The following ELOVL5 variants were observed in gnomAD, a reference collection of about 807,000 sequenced individuals.
ELOVL5 encodes ELOVL fatty acid elongase 5.
ELOVL5 carries 8 observed loss-of-function variants against 38.6 expected under a neutral mutation model. The observed-to-expected ratio is 0.21, with a 90% CI of 0.12 to 0.37. The LOEUF (loss-of-function observed/expected upper bound fraction) is 0.37, where lower values mean the gene tolerates loss of function less well. Ranked by LOEUF, ELOVL5 falls within the 10% of genes least tolerant of loss-of-function variation. ELOVL5 has a pLI of 1.00. For synonymous variants in ELOVL5, 127 were observed against 133.7 expected (o/e 0.95, Z 0.34); for missense variants, 280 against 367.8 (o/e 0.76, Z 1.95).
At chr6:53,340,144 G>A (rs146669094) in intron 1 of ELOVL5, among the ~76,000 whole-genome samples, 4 of 151,932 alleles carry the variant, frequency 2.6e-5, no homozygotes, top group Non-Finnish European at 5.9e-5. Context: ...TTTAAGCTAA[G>A]TATTATTACA....
At chr6:53,294,308 G>A (rs1282347100) in intron 2 of ELOVL5, 2 of 1,571,518 alleles carry the variant, frequency 1.3e-6, no homozygotes, top group Non-Finnish European at 1.7e-6. Flanking sequence ...TGAAGCAATT[G>A]TGGCCAGTGA....
chr6:53,318,384 C>A (rs754614922), intron 1 of ELOVL5, among the ~76,000 whole-genome samples: 14 of 152,202 alleles, frequency 9.2e-5, no homozygotes, highest in Non-Finnish European at 1.3e-4. Flanking sequence ...ATGGGAATAA[C>A]ATGAATACCT....
chr6:53,313,839 T>C (rs149955818), intron 1 of ELOVL5, among the ~76,000 whole-genome samples: 529 of 152,356 alleles, frequency 3.5e-3, no homozygotes, highest in African/African-American at 0.011. Context: ...GTGCAGTCAC[T>C]ATGTGACTAT....
intron 1 of ELOVL5, among the ~76,000 whole-genome samples, chr6:53,340,903 T>C (rs1769296064): frequency 6.6e-6 from 1 of 152,182 alleles, no homozygotes; most frequent in Non-Finnish European, 1.5e-5. Context: ...CCCTAAAGAA[T>C]GTGAGTGTCT....
At chr6:53,324,898 T>C (rs1183268216) in intron 1 of ELOVL5, among the ~76,000 whole-genome samples, 1 of 152,106 alleles carries the variant, frequency 6.6e-6, no homozygotes, top group East Asian at 1.9e-4. Flanking sequence ...AGAGATGATA[T>C]ACAAACACTA....
intron 2 of ELOVL5, among the ~76,000 whole-genome samples, chr6:53,295,292 G>A (rs1180136542): frequency 6.6e-6 from 1 of 152,128 alleles, no homozygotes; most frequent in African/African-American, 2.4e-5. Context: ...AATTGTAAAA[G>A]GGGAAAGGTT....
At chr6:53,297,752 T>C (rs537133529) in intron 1 of ELOVL5, among the ~76,000 whole-genome samples, 1 of 152,208 alleles carries the variant, frequency 6.6e-6, no homozygotes, top group Non-Finnish European at 1.5e-5. Flanking sequence ...AGGCTTCCAT[T>C]CTAGGGGCCT....
intron 1 of ELOVL5, among the ~76,000 whole-genome samples, chr6:53,335,237 CCTGTCTAGGTT>C (rs1167782663): frequency 6.6e-6 from 1 of 152,200 alleles, no homozygotes; most frequent in Non-Finnish European, 1.5e-5. Flanking sequence ...CCTGAAAGCA[CCTGTCTAGGTT>C]ACTCACCTCC....
At chr6:53,306,206 G>A (rs1767534984) in intron 1 of ELOVL5, among the ~76,000 whole-genome samples, 1 of 80,898 alleles carries the variant, frequency 1.2e-5, no homozygotes, top group Admixed American at 1.5e-4. Flanking sequence ...AAGGGGAGGA[G>A]AAAGGGGAGA....
chr6:53,342,224 G>T (rs1769362261), intron 1 of ELOVL5, among the ~76,000 whole-genome samples: 1 of 152,130 alleles, frequency 6.6e-6, no homozygotes, highest in Admixed American at 6.5e-5. Context: ...TTCTGCCAAA[G>T]ACTGAAGCAG....
At chr6:53,324,268 A>G (rs60057698) in intron 1 of ELOVL5, among the ~76,000 whole-genome samples, 11 of 130,968 alleles carry the variant, frequency 8.4e-5, no homozygotes, top group Non-Finnish European at 1.5e-4. Flanking sequence ...AAAAAAAAAA[A>G]AAAAAAAGAA....
intron 1 of ELOVL5, among the ~76,000 whole-genome samples, chr6:53,329,288 T>C (rs1354630031): frequency 6.6e-6 from 1 of 152,180 alleles, no homozygotes; most frequent in Non-Finnish European, 1.5e-5. Context: ...TTGAAATATA[T>C]TTTGAAAAAT....
chr6:53,269,092 G>C lies in ELOVL5; in HGVS notation c.*35C>G. 6.2e-7 allele frequency: 1 copy of C among 1,608,316 alleles called. No individual in the cohort carries two copies. The highest frequency in any genetic ancestry group is 8.5e-7 in the Non-Finnish European group (1 of 1,177,412). ...ACAACTCATATTGTGCTTACAATCA[G>C]ATGACGTGGTTTGGAGGGTTTCAAT... On this transcript the variant is annotated 3_prime_UTR_variant, in exon 8 of 8. Transcript: ENST00000304434.
chr6:53,270,260 G>A (rs1036429671), intron 7 of ELOVL5, among the ~76,000 whole-genome samples: 1 of 152,208 alleles, frequency 6.6e-6, no homozygotes. Flanking sequence ...TGGCCATGAC[G>A]TTCAGGGTAG....
At chr6:53,332,026 T>C (rs534968610) in intron 1 of ELOVL5, among the ~76,000 whole-genome samples, 1 of 152,258 alleles carries the variant, frequency 6.6e-6, no homozygotes, top group East Asian at 1.9e-4. Flanking sequence ...CAGGCTCTTT[T>C]ACACAACCAG....
At chr6:53,339,971 CGG>C (rs1769257581) in intron 1 of ELOVL5, among the ~76,000 whole-genome samples, 1 of 152,034 alleles carries the variant, frequency 6.6e-6, no homozygotes, top group Non-Finnish European at 1.5e-5. Context: ...AGATGGAAGA[CGG>C]TGACATTGAT....
chr6:53,280,940 A>T (rs1013617211), intron 3 of ELOVL5, among the ~76,000 whole-genome samples: 4 of 152,162 alleles, frequency 2.6e-5, no homozygotes, highest in African/African-American at 9.7e-5. Flanking sequence ...CCCATCTAAT[A>T]ACACATTTAA....
At chr6:53,289,516 C>T (rs895985135) in intron 3 of ELOVL5, among the ~76,000 whole-genome samples, 1 of 152,154 alleles carries the variant, frequency 6.6e-6, no homozygotes. Context: ...GTCAGGAGTT[C>T]AAGACCAGCC....
intron 5 of ELOVL5, among the ~76,000 whole-genome samples, chr6:53,274,114 T>C (rs2235722): frequency 0.17 from 26,245 of 152,228 alleles, 2,844 homozygotes; most frequent in East Asian, 0.32. Context: ...ATGGCCCAAG[T>C]GGAGCTGATT....
Sources: allele counts gnomAD v4.1 joint callset (sites outside exome capture counted in the v4.1 genomes callset), GRCh38; gene constraint gnomAD v4.1.1; transcripts MANE v1.5; gene names NCBI Gene and HGNC (gene_info 2026-07-23, HGNC 2026-07-21).